The following TMEM72 variants were observed in gnomAD, a reference collection of about 807,000 sequenced individuals.
TMEM72 encodes kidney-specific secretory protein of 37 kDa.
In TMEM72, 9 loss-of-function variants were observed where a neutral mutation model predicts 16.3. The observed-to-expected ratio is 0.55, with a 90% CI of 0.33 to 0.96. The LOEUF (loss-of-function observed/expected upper bound fraction) is 0.96, where lower values mean the gene tolerates loss of function less well. TMEM72 is among the 40% of genes least tolerant of loss of function. TMEM72 has a pLI of 0.03. For missense variants in TMEM72, 324 were observed against 337.8 expected (o/e 0.96, Z 0.32); for synonymous variants, 160 against 146.5 (o/e 1.09, Z -0.66).
intron 1 of TMEM72, among the ~76,000 whole-genome samples, chr10:44,913,995 A>G (rs890129366): frequency 6.6e-6 from 1 of 152,188 alleles, no homozygotes; most frequent in African/African-American, 2.4e-5. Context: ...GGCAGCTGCT[A>G]AGAGGCTACA....
At chr10:44,932,913 A>C (rs906226760) in intron 3 of TMEM72, among the ~76,000 whole-genome samples, 1 of 152,104 alleles carries the variant, frequency 6.6e-6, no homozygotes, top group African/African-American at 2.4e-5. Flanking sequence ...GCCTGCGAGC[A>C]TAAGAGAGCA....
chr10:44,931,567 G>A (rs1840297862), intron 2 of TMEM72, among the ~76,000 whole-genome samples: 1 of 152,178 alleles, frequency 6.6e-6, no homozygotes, highest in Non-Finnish European at 1.5e-5. Flanking sequence ...CGATTTGGAA[G>A]GTATTGAAGG....
At chr10:44,915,963 A>T (rs1840007945) in intron 1 of TMEM72, among the ~76,000 whole-genome samples, 1 of 152,150 alleles carries the variant, frequency 6.6e-6, no homozygotes, top group Non-Finnish European at 1.5e-5. Context: ...GACTGCATGC[A>T]TTATGGTCAT....
Position 44,933,772 on chromosome 10 carries a change from C to T in TMEM72, c.345C>T (p.Ile115=). ...LHPVLVWHVT[I]PGSMLIITGL... is the part of the protein sequence containing the mutation. ...CGGTCCTGGTCTGGCACGTGACCAT[C>T]CCAGGTAAGAGCACAGGGGTAGAGA... Residue 115 remains isoleucine, a synonymous_variant, in exon 4 of 5, where the codon ATC becomes ATT. Transcript: ENST00000389583. The T allele has an allele frequency of 1.2e-6, 2 of 1,613,560 alleles. No individual in the cohort carries two copies. The highest frequency in any genetic ancestry group is 1.7e-6 in the Non-Finnish European group (2 of 1,179,658).
chr10:44,935,093 C>G lies in TMEM72; in HGVS notation c.787C>G (p.Pro263Ala), dbSNP rs1237273130. Reference sequence around the variant, plus strand: ...ACCCATCATTCCCCCTCCCCAGGCCCCACTCTTCCTGTCATCTCTTACAGC... The same window carrying G: ...ACCCATCATTCCCCCTCCCCAGGCCGCACTCTTCCTGTCATCTCTTACAGC... The part of the protein sequence containing the change: ...TTPIIPPPQA[P>A]LFLSSLTATG... Residue 263 changes from proline to alanine, a missense_variant, in exon 5 of 5, where the codon CCA becomes GCA. By Grantham distance (27) the Pro-to-Ala change is conservative (BLOSUM62 -1). Transcript: ENST00000389583. 3.7e-6 allele frequency: 6 copies of G among 1,608,934 alleles called. No individual in the cohort carries two copies. The highest frequency in any genetic ancestry group is 1.7e-5 in the Admixed American group (1 of 59,572).
rs1840375830 is a variant in TMEM72, at chr10:44,935,047, G to A, written c.741G>A (p.Glu247=). The A allele has an allele frequency of 2.5e-6, 4 of 1,613,796 alleles. No homozygotes were observed. The highest frequency in any genetic ancestry group is 2.7e-5 in the African/African-American group (2 of 74,914). The change falls in exon 5 of 5, where the codon GAG becomes GAA. Residue 247 remains glutamate (E), a synonymous_variant. Transcript: ENST00000389583. ...TGGATGATGGGGACAGTGAGCCAGAGGAGACCACCTCTGACACGACACCCA... is the reference window on the plus strand; with the variant it reads ...TGGATGATGGGGACAGTGAGCCAGAAGAGACCACCTCTGACACGACACCCA... ...EGLDDGDSEP[E]ETTSDTTPII...
At chr10:44,918,719 C>T (rs966596827) in intron 1 of TMEM72, among the ~76,000 whole-genome samples, 1 of 151,886 alleles carries the variant, frequency 6.6e-6, no homozygotes, top group African/African-American at 2.4e-5. Context: ...TGTTTGTGTC[C>T]CCCCAGCCAA....
In TMEM72 at chr10:44,917,341, C is replaced by T. The variant is rs78947541; in HGVS notation, c.70+5759C>T. On this transcript the variant is annotated intron_variant, in intron 1 of 4. Transcript: ENST00000389583. ...GGAACTGTGTAGCATGAGTTATCAGCTCCTTTTGTTGGAAGGAAGAAGAAG... is the reference window on the plus strand; with the variant it reads ...GGAACTGTGTAGCATGAGTTATCAGTTCCTTTTGTTGGAAGGAAGAAGAAG... 5.8e-3 allele frequency among the ~76,000 whole-genome samples: 889 copies of T among 152,250 alleles called. 24 individuals carry two copies. In the East Asian group the frequency reaches 0.081, roughly 14 times the overall value.
At chr10:44,930,652 C>T (rs1454159838) in intron 2 of TMEM72, among the ~76,000 whole-genome samples, 1 of 152,132 alleles carries the variant, frequency 6.6e-6, no homozygotes, top group Non-Finnish European at 1.5e-5. Context: ...GAGTTAGGCT[C>T]ACACTGGGAG....
chr10:44,933,926 A>G (rs1364211301), intron 4 of TMEM72, 150 bp downstream of exon 4: 8 of 1,008,792 alleles, frequency 7.9e-6, no homozygotes, highest in Non-Finnish European at 1.1e-5. Context: ...GACATGAGGA[A>G]TCATCGGAAT....
intron 3 of TMEM72, 34 bp downstream of exon 3, chr10:44,932,103 C>T: frequency 6.2e-7 from 1 of 1,600,710 alleles, no homozygotes; most frequent in Non-Finnish European, 8.5e-7. Context: ...CTCCATTGTC[C>T]ACCCCAGCCC....
chr10:44,912,703 G>C (rs1379954870), intron 1 of TMEM72, among the ~76,000 whole-genome samples: 1 of 152,192 alleles, frequency 6.6e-6, no homozygotes, highest in Non-Finnish European at 1.5e-5. Flanking sequence ...AAGTGGAACT[G>C]AGGATGAAAA....
intron 2 of TMEM72, 36 bp from the exon 3 acceptor site, chr10:44,931,960 CAG>C (rs780635072): frequency 1.5e-4 from 231 of 1,588,906 alleles, no homozygotes; most frequent in Non-Finnish European, 1.9e-4. Flanking sequence ...CAAAGGAAGA[CAG>C]AGGCGCCAGC....
chr10:44,914,628 T>C (rs538740824), intron 1 of TMEM72, among the ~76,000 whole-genome samples: 5 of 152,266 alleles, frequency 3.3e-5, no homozygotes, highest in African/African-American at 1.2e-4. Flanking sequence ...TCTCCCCGTG[T>C]CCACTAGAGA....
intron 2 of TMEM72, 137 bp downstream of exon 2, chr10:44,928,124 G>T: frequency 1.1e-6 from 1 of 931,380 alleles, no homozygotes; most frequent in Non-Finnish European, 1.6e-6. Flanking sequence ...GGGAGTTGAG[G>T]GGGGCTCTAG....
intron 1 of TMEM72, among the ~76,000 whole-genome samples, chr10:44,914,316 T>C (rs1256745227): frequency 6.6e-6 from 1 of 152,106 alleles, no homozygotes; most frequent in Admixed American, 6.5e-5. Flanking sequence ...AATTAGAAAA[T>C]TCCCTCCCTC....
rs17515286 is a variant in TMEM72 at position 44,936,904 on chromosome 10, C to T, written c.*1770C>T. The T allele has an allele frequency of 0.088, 13,412 of 152,312 alleles. 687 individuals are homozygous for T. Among genetic ancestry groups the T allele is most frequent in the Middle Eastern group, 0.14 (42 of 294 alleles). The allele number at this position is 152,312 out of a possible 1,614,324, so 9.4% of individuals were successfully genotyped here. A position where few individuals can be genotyped will look rare whatever the true frequency, so the allele number is the denominator to read the frequency against. ...CTCTGCATCAGAGTAGTTCTGTCCT[C>T]GAAGCCCCAGTCAGCAGAGCTGGAT... is the stretch of plus-strand genomic sequence containing the variant. On this transcript the variant is annotated 3_prime_UTR_variant, in exon 5 of 5. Transcript: ENST00000389583.
chr10:44,921,196 C>T (rs971994774), intron 1 of TMEM72, among the ~76,000 whole-genome samples: 1 of 152,186 alleles, frequency 6.6e-6, no homozygotes, highest in Non-Finnish European at 1.5e-5. Flanking sequence ...TGAATGGCTC[C>T]ATCAAGGTGC....
At chr10:44,928,885 A>G (rs1840246079) in intron 2 of TMEM72, among the ~76,000 whole-genome samples, 2 of 152,182 alleles carry the variant, frequency 1.3e-5, no homozygotes, top group Admixed American at 1.3e-4. Context: ...CATCTCATCA[A>G]TCATTTATTT....
Sources: allele counts gnomAD v4.1 joint callset (sites outside exome capture counted in the v4.1 genomes callset), GRCh38; gene constraint gnomAD v4.1.1; transcripts MANE v1.5; gene names NCBI Gene and HGNC (gene_info 2026-07-23, HGNC 2026-07-21).